The following CDC42SE2 variants were observed in gnomAD, a reference collection of about 807,000 sequenced individuals.
The protein encoded by CDC42SE2 is CDC42 small effector protein 2.
A neutral mutation model predicts 11.5 loss-of-function variants in CDC42SE2; 3 were observed. The observed-to-expected ratio is 0.26, with a 90% CI of 0.12 to 0.67. The LOEUF (loss-of-function observed/expected upper bound fraction) is 0.67. Among genes scored for constraint, CDC42SE2 ranks in the 30% least tolerant of loss-of-function variants. CDC42SE2 has a pLI of 0.80. For missense variants in CDC42SE2, 82 were observed against 106.8 expected, an observed-to-expected ratio of 0.77 and a Z score of 1.02; for synonymous variants, 33 against 34.8, an observed-to-expected ratio of 0.95 and a Z score of 0.18.
chr5:131,348,045 A>T (rs1434308636), intron 2 of CDC42SE2, among the ~76,000 whole-genome samples: 1 of 152,236 alleles, frequency 6.6e-6, no homozygotes, highest in Non-Finnish European at 1.5e-5. Flanking sequence ...ATCATACTGA[A>T]TGGGCAAAAA....
intron 2 of CDC42SE2, among the ~76,000 whole-genome samples, chr5:131,332,319 A>G (rs1354448830): frequency 6.6e-6 from 1 of 152,206 alleles, no homozygotes; most frequent in Non-Finnish European, 1.5e-5. Flanking sequence ...ATGGCTGCAT[A>G]GTATTCCACG....
the CDC42SE2 span, among the ~76,000 whole-genome samples, chr5:131,220,275 C>T: frequency 3.9e-5 from 6 of 152,120 alleles, no homozygotes; most frequent in Non-Finnish European, 8.8e-5. Flanking sequence ...GGCACCATCT[C>T]GGCTCACTGC....
At position 131,359,332 on chromosome 5, in the gene CDC42SE2, G is replaced by T. The variant is rs562703572; in HGVS notation, c.-162G>T. 1.1e-4 allele frequency: 69 copies of T among 655,946 alleles called. No homozygotes were observed. The highest frequency in any genetic ancestry group is 1.9e-4 in the Non-Finnish European group (67 of 359,734). The allele number at this position is 655,946 out of a possible 1,614,324, so 40.6% of individuals were successfully genotyped here. On this transcript the variant is annotated 5_prime_UTR_variant, in exon 3 of 5. Coordinates refer to ENST00000505065, the MANE Select transcript of CDC42SE2 (RefSeq NM_001375635.1). ...AATCCAAATTTTTCTTTATTAAATC[G>T]ACTGTGTAAGATACTTGACTTCCAG...
rs977361708 is a variant in CDC42SE2 at position 131,286,062 on chromosome 5, T to G, written c.-455+21896T>G. ...GGGAAATGTAGCTTTTTTTTTTTTT[T>G]TTTGGTTGGGGGGACAGGGTCTCAC... On this transcript the variant is annotated intron_variant, in intron 1 of 4. Transcript: ENST00000505065. Among the ~76,000 whole-genome samples, 24 of 151,648 alleles carry G rather than the reference T, an allele frequency of 1.6e-4. No homozygotes were observed. In the East Asian group the frequency reaches 4.6e-3, roughly 29 times the overall value.
At chr5:131,320,054 GAAAAAAAAAAAAA>G (rs763857152) in intron 2 of CDC42SE2, among the ~76,000 whole-genome samples, 27 of 62,790 alleles carry the variant, frequency 4.3e-4, no homozygotes, top group Admixed American at 8.9e-4. Context: ...CCGTCTTAAA[GAAAAAAAAAAAAA>G]AAAAAAAAAA....
the CDC42SE2 span, among the ~76,000 whole-genome samples, chr5:131,224,910 G>A: frequency 2.0e-4 from 30 of 151,854 alleles, no homozygotes; most frequent in African/African-American, 7.3e-4. Context: ...AAGGCATCAG[G>A]CCAGCAGCAG....
intron 3 of CDC42SE2, among the ~76,000 whole-genome samples, chr5:131,359,958 T>A (rs918647431): frequency 6.6e-6 from 1 of 152,076 alleles, no homozygotes; most frequent in African/African-American, 2.4e-5. Flanking sequence ...CTGAGGAAGA[T>A]ATCATTGTCT....
At chr5:131,357,118 C>T (rs1009825185) in intron 2 of CDC42SE2, among the ~76,000 whole-genome samples, 1 of 152,016 alleles carries the variant, frequency 6.6e-6, no homozygotes, top group Non-Finnish European at 1.5e-5. Context: ...CAGTATTTAC[C>T]CAATTCATTG....
intron 2 of CDC42SE2, among the ~76,000 whole-genome samples, chr5:131,353,351 A>G (rs1420937763): frequency 2.0e-5 from 3 of 150,332 alleles, no homozygotes; most frequent in African/African-American, 4.9e-5. Context: ...GTATGATCCC[A>G]GCTCACTGCA....
rs769120511 is a variant in CDC42SE2 at position 131,391,916 on chromosome 5, A to G, written c.*825A>G. 2.6e-5 allele frequency: 4 copies of G among 152,358 alleles called. No individual in the cohort carries two copies. Among genetic ancestry groups the G allele is most frequent in the Non-Finnish European group, 5.9e-5 (4 of 68,060 alleles). The allele number at this position is 152,358 out of a possible 1,614,324, so 9.4% of individuals were successfully genotyped here. ...TTGCTTTTATTTTGAATTACAAAAA[A>G]GAAGTGTGATGGCACCTTGTCCACC... On this transcript the variant is annotated 3_prime_UTR_variant, in exon 5 of 5. Coordinates refer to ENST00000505065, the MANE Select transcript of CDC42SE2 (RefSeq NM_001375635.1).
the CDC42SE2 span, among the ~76,000 whole-genome samples, chr5:131,216,203 A>G: frequency 4.8e-4 from 73 of 152,336 alleles, no homozygotes; most frequent in African/African-American, 1.6e-3. Context: ...GGCCCAGCAC[A>G]GTAGCTCACG....
intron 2 of CDC42SE2, among the ~76,000 whole-genome samples, chr5:131,336,877 T>G (rs1443298010): frequency 6.6e-6 from 1 of 152,160 alleles, no homozygotes; most frequent in Non-Finnish European, 1.5e-5. Context: ...TTCATCTAAT[T>G]TTTTTCAAAG....
At chr5:131,327,368 A>G (rs1006372009) in intron 2 of CDC42SE2, among the ~76,000 whole-genome samples, 5 of 152,170 alleles carry the variant, frequency 3.3e-5, no homozygotes, top group African/African-American at 9.7e-5. Context: ...TTTTATGGCT[A>G]CTAAGGCATT....
intron 3 of CDC42SE2, among the ~76,000 whole-genome samples, chr5:131,364,972 A>G (rs1050352261): frequency 3.3e-5 from 5 of 152,136 alleles, no homozygotes; most frequent in East Asian, 3.9e-4. Flanking sequence ...AAGGATTGCT[A>G]TAAGACCTTA....
chr5:131,220,300 G>T, the CDC42SE2 span, among the ~76,000 whole-genome samples: 63 of 152,122 alleles, frequency 4.1e-4, no homozygotes, highest in African/African-American at 1.4e-3. Flanking sequence ...TCCGTCTCCC[G>T]GTTCAAGCGA....
chr5:131,221,815 A>G, the CDC42SE2 span, among the ~76,000 whole-genome samples: 1 of 152,150 alleles, frequency 6.6e-6, no homozygotes, highest in Non-Finnish European at 1.5e-5. Flanking sequence ...ACCTTCATTT[A>G]CAGCAGTTTT....
chr5:131,356,617 A>T (rs907899349), intron 2 of CDC42SE2, among the ~76,000 whole-genome samples: 2 of 152,208 alleles, frequency 1.3e-5, no homozygotes, highest in African/African-American at 4.8e-5. Flanking sequence ...AATATGTAGC[A>T]ATAGAAGTTA....
chr5:131,289,546 G>C (rs753747475), intron 1 of CDC42SE2, among the ~76,000 whole-genome samples: 1 of 151,938 alleles, frequency 6.6e-6, no homozygotes, highest in Non-Finnish European at 1.5e-5. Context: ...GGTGGCACGC[G>C]CCTGTAGTCC....
At chr5:131,254,063 C>A (rs936619632) in intron 1 of CDC42SE2, among the ~76,000 whole-genome samples, 1 of 152,150 alleles carries the variant, frequency 6.6e-6, no homozygotes, top group Non-Finnish European at 1.5e-5. Context: ...ACTTTAAGTT[C>A]TAGGGTACAT....
Sources: gnomAD v4.1 joint callset for allele counts (sites outside exome capture counted in the v4.1 genomes callset) on GRCh38, gnomAD v4.1.1 for gene constraint, MANE v1.5 for transcripts, NCBI Gene and HGNC (gene_info 2026-07-23, HGNC 2026-07-21) for gene names.